Variants in STX2 observed in about 807,000 individuals in gnomAD.
STX2 encodes the protein syntaxin-2.
Under a neutral mutation model 40.6 loss-of-function variants are expected in STX2, and 27 were observed. The observed-to-expected ratio is 0.66, with a 90% confidence interval of 0.49 to 0.92. The LOEUF is 0.92. Among genes scored for constraint, STX2 ranks in the 40% least tolerant of loss-of-function variants. STX2 has a pLI of 0.00. For missense variants in STX2, 328 were observed against 366.1 expected, an observed-to-expected ratio of 0.90 and a Z score of 0.85; for synonymous variants, 123 against 119.1, an observed-to-expected ratio of 1.03 and a Z score of -0.22.
intron 6 of STX2, among the ~76,000 whole-genome samples, chr12:130,805,002 C>T (rs977508542): frequency 7.2e-5 from 11 of 152,224 alleles, no homozygotes; most frequent in Middle Eastern, 3.4e-3. Context: ...AGAGATGGTG[C>T]GGGGCCTTCA....
chr12:130,791,885 C>T lies in STX2; in HGVS notation c.*138G>A, dbSNP rs761003871. On this transcript the variant is annotated 3_prime_UTR_variant, in exon 11 of 11. Transcript: ENST00000392373. Reference sequence around the variant, plus strand: ...GTCTGAGTCTCAAGGATAAATGGCTCTTGGGATATGGTTGCTAGGACAATG... The same window carrying T: ...GTCTGAGTCTCAAGGATAAATGGCTTTTGGGATATGGTTGCTAGGACAATG... The T allele has an allele frequency of 9.3e-6, 15 of 1,608,302 alleles. No individual in the cohort carries two copies. In the Admixed American group the frequency reaches 2.4e-4, roughly 25 times the overall value.
intron 3 of STX2, among the ~76,000 whole-genome samples, chr12:130,817,275 G>T (rs775535926): frequency 6.6e-6 from 1 of 152,148 alleles, no homozygotes; most frequent in Non-Finnish European, 1.5e-5. Flanking sequence ...GTATTAAAAG[G>T]AACCAAGTGG....
intron 9 of STX2, among the ~76,000 whole-genome samples, chr12:130,797,908 G>A (rs905398229): frequency 9.2e-5 from 14 of 152,128 alleles, no homozygotes; most frequent in Admixed American, 3.3e-4. Context: ...AAGAAGTCAC[G>A]AATAACCTAA....
chr12:130,809,944 G>A (rs1435306713), intron 4 of STX2, among the ~76,000 whole-genome samples: 3 of 152,102 alleles, frequency 2.0e-5, no homozygotes, highest in East Asian at 3.9e-4. Context: ...CTAGGAGTTC[G>A]AGGCTGTAGT....
intron 6 of STX2, among the ~76,000 whole-genome samples, chr12:130,802,389 G>A (rs1593125791): frequency 6.6e-6 from 1 of 152,126 alleles, no homozygotes; most frequent in Non-Finnish European, 1.5e-5. Flanking sequence ...GTAGAGGTGG[G>A]GTTTCACCAT....
chr12:130,826,064 G>T (rs529557390), intron 2 of STX2, among the ~76,000 whole-genome samples: 1 of 152,182 alleles, frequency 6.6e-6, no homozygotes, highest in East Asian at 1.9e-4. Flanking sequence ...GCACCGCCAG[G>T]CCGCCACATT....
In STX2 at chr12:130,818,188, A is replaced by T. The variant is rs1223299491; in HGVS notation, c.205+3501T>A. Among the ~76,000 whole-genome samples, 2 of 66,260 alleles carry T rather than the reference A, an allele frequency of 3.0e-5. 1 individual carries two copies. The highest frequency in any genetic ancestry group is 1.5e-4 in the African/African-American group (2 of 13,278). The allele number at this position is 66,260 out of a possible 152,430, so 43.5% of individuals were successfully genotyped here. ...GTTTCTACAAAAAAAAAAAAAAAATATATATATATATATATATATATATAT... is the reference window on the plus strand; with the variant it reads ...GTTTCTACAAAAAAAAAAAAAAAATTTATATATATATATATATATATATAT... On this transcript the variant is annotated intron_variant, in intron 3 of 10. Transcript: ENST00000392373.
intron 6 of STX2, among the ~76,000 whole-genome samples, chr12:130,802,533 T>C (rs1593126095): frequency 1.3e-5 from 2 of 152,172 alleles, no homozygotes; most frequent in East Asian, 3.8e-4. Flanking sequence ...GGTCTCACTC[T>C]GTCACCCAGA....
At chr12:130,792,917 G>A (rs375122602) in intron 10 of STX2, among the ~76,000 whole-genome samples, 1 of 152,132 alleles carries the variant, frequency 6.6e-6, no homozygotes, top group Non-Finnish European at 1.5e-5. Flanking sequence ...AAGGCAAAGC[G>A]AGACCACCTT....
At chr12:130,832,323 C>T (rs950865047) in intron 1 of STX2, among the ~76,000 whole-genome samples, 30 of 152,100 alleles carry the variant, frequency 2.0e-4, no homozygotes, top group Admixed American at 1.6e-3. Context: ...GCCATCCAGG[C>T]TCCTATTGTG....
intron 4 of STX2, chr12:130,812,130 C>A: frequency 4.3e-6 from 1 of 233,332 alleles, no homozygotes; most frequent in Non-Finnish European, 8.6e-6. Flanking sequence ...TTTTTAAAAG[C>A]CAGGGTTTGG....
chr12:130,825,093 G>A (rs923279290), intron 2 of STX2, among the ~76,000 whole-genome samples: 1 of 150,182 alleles, frequency 6.7e-6, no homozygotes, highest in South Asian at 2.1e-4. Flanking sequence ...CCGGGGTGCA[G>A]TGGCACAATC....
Position 130,830,846 on chromosome 12 carries a change from C to T in STX2, c.31-3579G>A, listed in dbSNP as rs141367217. Among the ~76,000 whole-genome samples, 520 of 152,278 alleles carry T rather than the reference C, an allele frequency of 3.4e-3. 2 individuals are homozygous for T. Among genetic ancestry groups the T allele is most frequent in the Non-Finnish European group, 4.7e-3 (320 of 68,018 alleles). ...ATGAGAGGGTATTTATTGTAAATAA[C>T]CAAACTGCTAGTGGCAAACATTTAC... On this transcript the variant is annotated intron_variant, in intron 1 of 10. Transcript: ENST00000392373.
At chr12:130,804,607 G>A (rs951626122) in intron 6 of STX2, among the ~76,000 whole-genome samples, 6 of 152,218 alleles carry the variant, frequency 3.9e-5, no homozygotes, top group African/African-American at 1.4e-4. Context: ...TCTCTCGGGG[G>A]CTTCTGTTCG....
intron 6 of STX2, 133 bp downstream of exon 6, chr12:130,806,849 C>T (rs1213018389): frequency 2.8e-5 from 22 of 775,942 alleles, no homozygotes; most frequent in Admixed American, 5.2e-5. Flanking sequence ...TAGGAAGCTA[C>T]GAGTGGTCTT....
intron 8 of STX2, among the ~76,000 whole-genome samples, chr12:130,800,126 C>A (rs546235683): frequency 6.6e-6 from 1 of 152,092 alleles, no homozygotes; most frequent in Non-Finnish European, 1.5e-5. Context: ...TGAATCCTAA[C>A]CAGCAACAGA....
intron 1 of STX2, among the ~76,000 whole-genome samples, chr12:130,831,375 T>C (rs1230651605): frequency 6.6e-6 from 1 of 152,228 alleles, no homozygotes; most frequent in Non-Finnish European, 1.5e-5. Context: ...TAAACATAGG[T>C]AAAAGCTGGC....
chr12:130,837,276 GTTTT>G (rs940606121), intron 1 of STX2, among the ~76,000 whole-genome samples: 2 of 151,842 alleles, frequency 1.3e-5, no homozygotes, highest in Non-Finnish European at 2.9e-5. Context: ...CACCTGGATA[GTTTT>G]TTTGTGCGTG....
intron 4 of STX2, 42 bp from the exon 5 acceptor site, chr12:130,808,746 T>C: frequency 2.0e-6 from 3 of 1,530,168 alleles, no homozygotes; most frequent in Non-Finnish European, 2.7e-6. Context: ...AATTTAAAAA[T>C]GAAAATGTTC....
Sources: gnomAD v4.1 joint callset for allele counts (sites outside exome capture counted in the v4.1 genomes callset) on GRCh38, gnomAD v4.1.1 for gene constraint, MANE v1.5 for transcripts, NCBI Gene and HGNC (gene_info 2026-07-23, HGNC 2026-07-21) for gene names.